Variants in PAM observed in about 807,000 individuals in gnomAD.
PAM encodes the protein peptidyl-glycine alpha-amidating monooxygenase.
PAM carries 72 observed loss-of-function variants against 122.1 expected under a neutral mutation model. The observed-to-expected ratio is 0.59, with a 90% CI of 0.49 to 0.72. PAM has a LOEUF of 0.72. PAM is among the 30% of genes least tolerant of loss of function. The pLI is 0.00. For synonymous variants in PAM, 389 were observed against 404.4 expected, an observed-to-expected ratio of 0.96 and a Z score of 0.46; for missense variants, 1,106 against 1,183.7, an observed-to-expected ratio of 0.93 and a Z score of 0.96.
chr5:102,796,095 C>G (rs987544076), intron 1 of PAM, among the ~76,000 whole-genome samples: 1 of 152,118 alleles, frequency 6.6e-6, no homozygotes, highest in Non-Finnish European at 1.5e-5. Flanking sequence ...GATCTGGGCC[C>G]TTGGAAGAGG....
chr5:102,954,050 TA>T (rs547527447), intron 12 of PAM, among the ~76,000 whole-genome samples: 2 of 151,780 alleles, frequency 1.3e-5, no homozygotes, highest in African/African-American at 4.8e-5. Context: ...AAAAAAATAT[TA>T]AAAAAAAGAT....
At chr5:102,801,357 G>A (rs1239733965) in intron 1 of PAM, among the ~76,000 whole-genome samples, 1 of 152,212 alleles carries the variant, frequency 6.6e-6, no homozygotes, top group Non-Finnish European at 1.5e-5. Context: ...TTATAGGGGA[G>A]TAATTATTGA....
chr5:103,005,514 T>C (rs1196781002), intron 18 of PAM, among the ~76,000 whole-genome samples: 1 of 152,192 alleles, frequency 6.6e-6, no homozygotes, highest in Non-Finnish European at 1.5e-5. Flanking sequence ...TTCTGGGTTA[T>C]AGGCTGCTAA....
rs762703732 is a variant in PAM at position 103,029,102 on chromosome 5, C to T, written c.*37C>T. On this transcript the variant is annotated 3_prime_UTR_variant, in exon 26 of 26. Transcript: ENST00000438793. ...TGATTTAGATTGAGTAAGATTTACCCAGAATGTCAGATTCCTTTCCCTTTA... is the reference window on the plus strand; with the variant it reads ...TGATTTAGATTGAGTAAGATTTACCTAGAATGTCAGATTCCTTTCCCTTTA... The T allele has an allele frequency of 3.3e-6, 5 of 1,524,430 alleles. No individual in the cohort carries two copies. Among genetic ancestry groups the T allele is most frequent in the Non-Finnish European group, 4.5e-6 (5 of 1,117,730 alleles). The allele number at this position is 1,524,430 out of a possible 1,614,324, so 94.4% of individuals were successfully genotyped here.
chr5:102,829,211 G>A (rs944628844), intron 1 of PAM, among the ~76,000 whole-genome samples: 8 of 151,910 alleles, frequency 5.3e-5, no homozygotes, highest in Non-Finnish European at 1.0e-4. Context: ...AAAGTCATAC[G>A]TACAAAATGT....
intron 1 of PAM, among the ~76,000 whole-genome samples, chr5:102,807,677 A>G (rs1766601119): frequency 6.6e-6 from 1 of 152,222 alleles, no homozygotes; most frequent in African/African-American, 2.4e-5. Context: ...CCAAAGGCAT[A>G]GATGTGAGCT....
chr5:102,787,913 C>T (rs1481663378), intron 1 of PAM, among the ~76,000 whole-genome samples: 1 of 151,984 alleles, frequency 6.6e-6, no homozygotes, highest in African/African-American at 2.4e-5. Context: ...GTAGATATTT[C>T]CAGGTTGCTG....
intron 23 of PAM, among the ~76,000 whole-genome samples, chr5:103,024,708 C>G (rs781183243): frequency 7.9e-5 from 12 of 152,056 alleles, no homozygotes; most frequent in Non-Finnish European, 1.6e-4. Flanking sequence ...TACTGTGGCC[C>G]AGATAATTTA....
At chr5:102,992,559 T>C (rs1774433381) in intron 16 of PAM, among the ~76,000 whole-genome samples, 1 of 152,142 alleles carries the variant, frequency 6.6e-6, no homozygotes, top group Non-Finnish European at 1.5e-5. Flanking sequence ...TGAATGGTAA[T>C]GCATGGCCAT....
intron 5 of PAM, among the ~76,000 whole-genome samples, chr5:102,923,929 A>G (rs1352443274): frequency 6.6e-6 from 1 of 152,236 alleles, no homozygotes; most frequent in Non-Finnish European, 1.5e-5. Flanking sequence ...GCCCTGGAAT[A>G]GTACTTTGAA....
chr5:102,779,918 T>TATATAC (rs147065045), intron 1 of PAM, among the ~76,000 whole-genome samples: 93 of 95,664 alleles, frequency 9.7e-4, no homozygotes, highest in African/African-American at 3.3e-3. Context: ...TATATATATA[T>TATATAC]ACACACATAT....
At chr5:103,026,367 C>A in intron 24 of PAM, among the ~76,000 whole-genome samples, 1 of 152,026 alleles carries the variant, frequency 6.6e-6, no homozygotes, top group Non-Finnish European at 1.5e-5. Flanking sequence ...GTGCCCTTGG[C>A]AAAGCCCTGA....
At chr5:103,028,861 T>C in intron 25 of PAM, 26 bp from the exon 26 acceptor site, 2 of 1,553,354 alleles carry the variant, frequency 1.3e-6, no homozygotes, top group Non-Finnish European at 1.8e-6. Context: ...CTTTACCCAA[T>C]TCTGTTATTG....
chr5:102,779,816 C>G (rs1350291714), intron 1 of PAM, among the ~76,000 whole-genome samples: 3 of 112,432 alleles, frequency 2.7e-5, no homozygotes. Context: ...TCTCAATGCT[C>G]CTCGCCTGCA....
intron 1 of PAM, among the ~76,000 whole-genome samples, chr5:102,780,811 CTTTCTTTCTTTCTTTCT>C (rs1758667688): frequency 1.4e-5 from 2 of 139,512 alleles, no homozygotes; most frequent in African/African-American, 5.5e-5. Flanking sequence ...TTCTTTCTTT[CTTTCTTTCTTTCTTTCT>C]TTCTTTCTCT....
At chr5:102,832,112 T>A (rs530932996) in intron 1 of PAM, among the ~76,000 whole-genome samples, 2 of 152,330 alleles carry the variant, frequency 1.3e-5, no homozygotes, top group Non-Finnish European at 2.9e-5. Flanking sequence ...AAATTATGAT[T>A]ACAAGTGTCC....
intron 1 of PAM, among the ~76,000 whole-genome samples, chr5:102,819,852 G>T (rs573047347): frequency 6.6e-6 from 1 of 152,042 alleles, no homozygotes; most frequent in South Asian, 2.1e-4. Flanking sequence ...TTTCCCAAGT[G>T]TTTGATTGGC....
At chr5:103,023,108 T>C (rs1784057940) in intron 23 of PAM, among the ~76,000 whole-genome samples, 1 of 152,098 alleles carries the variant, frequency 6.6e-6, no homozygotes. Flanking sequence ...GTGCTGTGTA[T>C]GTATTATATC....
intron 12 of PAM, among the ~76,000 whole-genome samples, chr5:102,951,135 A>AT (rs563166620): frequency 2.6e-5 from 4 of 151,856 alleles, no homozygotes; most frequent in East Asian, 1.9e-4. Context: ...GATAATGAAA[A>AT]TTTTTTTTCT....
Sources: allele counts gnomAD v4.1 joint callset (sites outside exome capture counted in the v4.1 genomes callset), GRCh38; gene constraint gnomAD v4.1.1; transcripts MANE v1.5; gene names NCBI Gene and HGNC (gene_info 2026-07-23, HGNC 2026-07-21).